The following DOK6 variants were observed in gnomAD, a reference collection of about 807,000 sequenced individuals.
DOK6 encodes downstream of tyrosine kinase 6.
Under a neutral mutation model 44.0 loss-of-function variants are expected in DOK6, and 22 were observed. The ratio of observed to expected loss-of-function variants is 0.50; its 90% confidence interval spans 0.36 to 0.71. The LOEUF (loss-of-function observed/expected upper bound fraction) is 0.71. DOK6 is among the 30% of genes least tolerant of loss of function. DOK6 has a pLI of 0.00. For synonymous variants in DOK6, 166 were observed against 145.5 expected (o/e 1.14, Z -1.01); for missense variants, 340 against 416.4 (o/e 0.82, Z 1.60).
At chr18:69,693,881 AC>A (rs1401715605) in intron 4 of DOK6, among the ~76,000 whole-genome samples, 2 of 149,542 alleles carry the variant, frequency 1.3e-5, no homozygotes, top group Non-Finnish European at 3.0e-5. Flanking sequence ...ACACAGTGAA[AC>A]CCCGCCTCTA....
chr18:69,652,544 G>A (rs140777469), intron 3 of DOK6, among the ~76,000 whole-genome samples: 9 of 152,162 alleles, frequency 5.9e-5, no homozygotes, highest in South Asian at 2.1e-4. Flanking sequence ...GGACATTTTC[G>A]GGCAGCATCA....
chr18:69,490,989 G>A (rs149086288), intron 1 of DOK6, among the ~76,000 whole-genome samples: 82 of 152,324 alleles, frequency 5.4e-4, no homozygotes, highest in African/African-American at 1.1e-3. Context: ...ATTTGCTGCC[G>A]GCAGCGGAGG....
At chr18:69,551,421 T>C (rs1982563183) in intron 1 of DOK6, among the ~76,000 whole-genome samples, 3 of 152,212 alleles carry the variant, frequency 2.0e-5, no homozygotes, top group Admixed American at 1.3e-4. Flanking sequence ...GTTTTAATTT[T>C]CAACAACTAC....
chr18:69,768,255 G>A (rs1374991177), intron 7 of DOK6, among the ~76,000 whole-genome samples: 1 of 152,076 alleles, frequency 6.6e-6, no homozygotes, highest in East Asian at 1.9e-4. Context: ...ACAGACAAAT[G>A]TTAATACAGA....
chr18:69,432,182 C>G (rs1223276502), intron 1 of DOK6, among the ~76,000 whole-genome samples: 2 of 152,192 alleles, frequency 1.3e-5, no homozygotes, highest in Non-Finnish European at 2.9e-5. Context: ...GTGGCCCATG[C>G]CTGTATTCCC....
chr18:69,693,338 A>C (rs1203059874), intron 4 of DOK6, among the ~76,000 whole-genome samples: 1 of 148,330 alleles, frequency 6.7e-6, no homozygotes, highest in South Asian at 2.1e-4. Context: ...AAAAGAATCT[A>C]TTGGCTTCCA....
At chr18:69,744,079 G>A (rs1978894664) in intron 6 of DOK6, among the ~76,000 whole-genome samples, 1 of 152,148 alleles carries the variant, frequency 6.6e-6, no homozygotes, top group Non-Finnish European at 1.5e-5. Context: ...GGGAGGCCAA[G>A]GCAGGTGGAT....
At chr18:69,458,557 G>A (rs1374597671) in intron 1 of DOK6, among the ~76,000 whole-genome samples, 1 of 152,104 alleles carries the variant, frequency 6.6e-6, no homozygotes, top group Non-Finnish European at 1.5e-5. Flanking sequence ...TCAGGCAAGG[G>A]AAAGGAATAA....
intron 1 of DOK6, 117 bp downstream of exon 1, chr18:69,401,427 C>A: frequency 8.4e-7 from 1 of 1,187,584 alleles, no homozygotes; most frequent in Non-Finnish European, 1.1e-6. Context: ...GGACCCGGCC[C>A]TTAGGCGGAT....
chr18:69,745,404 T>C (rs1362480225), intron 6 of DOK6, among the ~76,000 whole-genome samples: 2 of 152,246 alleles, frequency 1.3e-5, no homozygotes, highest in African/African-American at 4.8e-5. Flanking sequence ...ACAGACATTA[T>C]GACAACATAC....
Position 69,599,487 on chromosome 18 carries a change from C to T in DOK6, c.278C>T (p.Ala93Val). The T allele has an allele frequency of 6.2e-7, 1 of 1,613,624 alleles. No individual in the cohort carries two copies. Among genetic ancestry groups the T allele is most frequent in the Admixed American group, 1.7e-5 (1 of 59,954 alleles). ...IFHDETSKTF[A>V]CESELEAEEW... ...CACGATGAAACATCGAAGACATTTG[C>T]CTGTGAGTCAGGTAAGCTATTATTG... Residue 93 changes from alanine to valine, a missense_variant, in exon 3 of 8, where the codon GCC becomes GTC. Physicochemically the swap from Ala to Val is moderately conservative, Grantham distance 64 (BLOSUM62 0). Coordinates refer to ENST00000382713, the MANE Select transcript of DOK6 (RefSeq NM_152721.6).
At chr18:69,536,366 A>G (rs1982122822) in intron 1 of DOK6, among the ~76,000 whole-genome samples, 1 of 152,210 alleles carries the variant, frequency 6.6e-6, no homozygotes. Context: ...CTGTAAAAAT[A>G]TGACTGATAA....
At chr18:69,650,010 A>G (rs943424584) in intron 3 of DOK6, among the ~76,000 whole-genome samples, 2 of 152,106 alleles carry the variant, frequency 1.3e-5, no homozygotes, top group South Asian at 2.1e-4. Flanking sequence ...AGGCTTAGAC[A>G]GCCAAAAATC....
At chr18:69,423,934 G>A (rs1398116471) in intron 1 of DOK6, among the ~76,000 whole-genome samples, 1 of 152,100 alleles carries the variant, frequency 6.6e-6, no homozygotes, top group African/African-American at 2.4e-5. Flanking sequence ...ACATTTATTA[G>A]ATTTTTGTAT....
rs551056944 is a variant in DOK6, at chr18:69,711,991, A to T, written c.599+13398A>T. On this transcript the variant is annotated intron_variant, in intron 5 of 7. Coordinates refer to ENST00000382713, the MANE Select transcript of DOK6 (RefSeq NM_152721.6). ...ATTCTCTATACTGGCATAAAAAATG[A>T]ACCTTTTCGGCCGGGCGCGGTGGCT... 2.0e-4 allele frequency among the ~76,000 whole-genome samples: 31 copies of T among 152,248 alleles called. No homozygotes were observed. The South Asian group carries it at 6.4e-3, about 32-fold the overall frequency.
intron 1 of DOK6, among the ~76,000 whole-genome samples, chr18:69,488,270 G>A (rs1468467386): frequency 6.6e-6 from 1 of 152,098 alleles, no homozygotes; most frequent in African/African-American, 2.4e-5. Context: ...TAAAGACCCA[G>A]TCTCCAGATA....
chr18:69,714,645 A>T (rs2144718281), intron 5 of DOK6, among the ~76,000 whole-genome samples: 1 of 152,368 alleles, frequency 6.6e-6, no homozygotes, highest in East Asian at 1.9e-4. Context: ...TCTGCCTCAG[A>T]AGAAAAAAAC....
intron 5 of DOK6, among the ~76,000 whole-genome samples, chr18:69,719,014 CT>C (rs1432571064): frequency 2.6e-5 from 4 of 152,116 alleles, no homozygotes; most frequent in African/African-American, 4.8e-5. Context: ...AAGAATAGAG[CT>C]GAAATTGTTG....
At chr18:69,592,278 T>C (rs907651884) in intron 2 of DOK6, among the ~76,000 whole-genome samples, 2 of 151,746 alleles carry the variant, frequency 1.3e-5, no homozygotes, top group African/African-American at 4.8e-5. Context: ...CCAAGTGTCA[T>C]GTCTACAAAG....
Sources: gnomAD v4.1 joint callset for allele counts (sites outside exome capture counted in the v4.1 genomes callset) on GRCh38, gnomAD v4.1.1 for gene constraint, MANE v1.5 for transcripts, NCBI Gene and HGNC (gene_info 2026-07-23, HGNC 2026-07-21) for gene names.